MYO18A: variants seen among roughly 807,000 people sequenced by gnomAD.
MYO18A encodes unconventional myosin-XVIIIa.
In MYO18A, 78 loss-of-function variants were observed where a neutral mutation model predicts 235.8. The observed-to-expected ratio is 0.33, with a 90% confidence interval of 0.28 to 0.40. MYO18A has a LOEUF of 0.40. Among genes scored for constraint, MYO18A ranks in the 10% least tolerant of loss-of-function variants. The pLI is 1.00. For missense variants in MYO18A, 2,215 were observed against 2,699.3 expected (o/e 0.82, Z 3.98); for synonymous variants, 977 against 1,077.8 (o/e 0.91, Z 1.83).
rs1352535003 is a variant in MYO18A at position 29,118,266 on chromosome 17, G to A, written c.1894-77C>T. 3 of 1,555,146 alleles carry A rather than the reference G, an allele frequency of 1.9e-6. No homozygotes were observed. Among genetic ancestry groups the A allele is most frequent in the African/African-American group, 2.7e-5 (2 of 73,462 alleles). The stretch of plus-strand genomic sequence containing the variant: ...AGGCTGGGCCCTCAGGGCAAGGCTT[G>A]GGTAGAGCCAGCAGCTGGAGCTGGG... On this transcript the variant is annotated intron_variant, in intron 9 of 41. Transcript: ENST00000527372. This position sits in a 1 kb window ranked among gnomAD's most constrained non-coding sequence, Gnocchi z 4.2.
chr17:29,102,648 G>A (rs1307308644), intron 21 of MYO18A, among the ~76,000 whole-genome samples: 1 of 152,210 alleles, frequency 6.6e-6, no homozygotes, highest in Non-Finnish European at 1.5e-5. Context: ...TGGGGCCAAA[G>A]GGAAAGCCAG....
intron 2 of MYO18A, among the ~76,000 whole-genome samples, chr17:29,139,653 G>A (rs1256067613): frequency 6.6e-6 from 1 of 152,168 alleles, no homozygotes; most frequent in Non-Finnish European, 1.5e-5. Context: ...GGAAGGACTG[G>A]GAGCAGCTAT....
chr17:29,141,017 G>C (rs1215570455), intron 2 of MYO18A, among the ~76,000 whole-genome samples: 1 of 152,242 alleles, frequency 6.6e-6, no homozygotes, highest in Non-Finnish European at 1.5e-5. Flanking sequence ...CAGGAGCAGA[G>C]ACCCACACGG....
At position 29,120,577 on chromosome 17, in the gene MYO18A, C is replaced by T; in HGVS notation, c.1728+39G>A. 6.3e-7 allele frequency: 1 copy of T among 1,595,714 alleles called. No individual in the cohort carries two copies. Among genetic ancestry groups the T allele is most frequent in the Non-Finnish European group, 8.5e-7 (1 of 1,170,468 alleles). ...TGTCTAGGTCATGAAATCATGTGGC[C>T]TGTGTCCTACTACCCCGAGTCCTGG... is the stretch of plus-strand genomic sequence containing the variant. On this transcript the variant is annotated intron_variant, in intron 7 of 41. Transcript: ENST00000527372. This position sits in a 1 kb window ranked among gnomAD's most constrained non-coding sequence, Gnocchi z 4.2.
intron 37 of MYO18A, among the ~76,000 whole-genome samples, chr17:29,087,749 A>G (rs1431963071): frequency 6.6e-6 from 1 of 151,698 alleles, no homozygotes; most frequent in Non-Finnish European, 1.5e-5. Context: ...CAGCCTCTAT[A>G]TCCCTAAAAT....
chr17:29,102,417 T>C (rs1206716927), intron 21 of MYO18A, among the ~76,000 whole-genome samples: 1 of 151,996 alleles, frequency 6.6e-6, no homozygotes, highest in East Asian at 1.9e-4. Context: ...TGACAGCAGA[T>C]AGCCCTAGGC....
chr17:29,127,482 C>T (rs1237689664), intron 2 of MYO18A, among the ~76,000 whole-genome samples: 1 of 152,212 alleles, frequency 6.6e-6, no homozygotes, highest in East Asian at 1.9e-4. Context: ...AAGCCCAGAT[C>T]CCTGACTTGA....
intron 1 of MYO18A, among the ~76,000 whole-genome samples, chr17:29,176,178 C>CT (rs2068522252): frequency 6.6e-6 from 1 of 152,124 alleles, no homozygotes; most frequent in Admixed American, 6.5e-5. Context: ...AATGATTCAA[C>CT]TTTTTTCCAG....
At chr17:29,082,893 A>G (rs2066155381) in intron 40 of MYO18A, among the ~76,000 whole-genome samples, 1 of 152,168 alleles carries the variant, frequency 6.6e-6, no homozygotes, top group African/African-American at 2.4e-5. Flanking sequence ...CTTTGTTACA[A>G]GAGCTGGGCT....
chr17:29,078,221 TGGCCA>T (rs2066032660), intron 41 of MYO18A: 1 of 152,268 alleles, frequency 6.6e-6, no homozygotes, highest in African/African-American at 2.4e-5. Context: ...TTCACCATCT[TGGCCA>T]GGCTGGTCTC....
rs1259788457 is a variant in MYO18A at position 29,166,435 on chromosome 17, A to C, written c.506T>G (p.Val169Gly). The change falls in exon 2 of 42, where the codon GTG becomes GGG. Residue 169 changes from valine to glycine, a missense_variant. By Grantham distance (109) the Val-to-Gly change is moderately radical (BLOSUM62 -3). Coordinates refer to ENST00000527372, the MANE Select transcript of MYO18A (RefSeq NM_078471.4). ...CACCAGCTGTCCCTCTAGAGTCCTC[A>C]CCTCCACCTGTGGCGAGGGGGCGGC... Reference protein sequence around the residue: ...HSAAPSPQVEVRTLEGQLVQH... With the variant: ...HSAAPSPQVEGRTLEGQLVQH... 1 of 1,613,420 alleles carries C rather than the reference A, an allele frequency of 6.2e-7. No individual in the cohort carries two copies. The highest frequency in any genetic ancestry group is 1.3e-5 in the African/African-American group (1 of 74,822).
chr17:29,073,923 T>C lies in MYO18A; in HGVS notation c.*847A>G, dbSNP rs1284976004. On this transcript the variant is annotated 3_prime_UTR_variant, in exon 42 of 42. Coordinates refer to ENST00000527372, the MANE Select transcript of MYO18A (RefSeq NM_078471.4). The stretch of plus-strand genomic sequence containing the variant: ...CCTGGACAGAGCAGGAGGGAGGCAG[T>C]GCTTGGATCAGCCCTGAACTGCTGT... The C allele has an allele frequency of 6.2e-7, 1 of 1,613,930 alleles. No homozygotes were observed. The highest frequency in any genetic ancestry group is 1.1e-5 in the South Asian group (1 of 91,076).
At chr17:29,089,888 C>T in intron 37 of MYO18A, 73 bp downstream of exon 37, 1 of 1,586,952 alleles carries the variant, frequency 6.3e-7, no homozygotes, top group Middle Eastern at 1.7e-4. Flanking sequence ...TCCAGCCCTG[C>T]TGAGCATGCG....
chr17:29,109,218 C>G lies in MYO18A; in HGVS notation c.3331+640G>C, dbSNP rs907266794. On this transcript the variant is annotated intron_variant, in intron 19 of 41. Coordinates refer to ENST00000527372, the MANE Select transcript of MYO18A (RefSeq NM_078471.4). The surrounding 1 kb of genome is among the most constrained non-coding windows in gnomAD (Gnocchi z 4.1). ...ACATGAGACATGACTCTACAGCCAG[C>G]CTGCCTGGTCAAATCCCACTCTGCC... 3.9e-5 allele frequency among the ~76,000 whole-genome samples: 6 copies of G among 152,112 alleles called. No individual in the cohort carries two copies. The highest frequency in any genetic ancestry group is 8.8e-5 in the Non-Finnish European group (6 of 68,018).
At chr17:29,133,877 G>C (rs1017542904) in intron 2 of MYO18A, 1 of 1,288,880 alleles carries the variant, frequency 7.8e-7, no homozygotes, top group Non-Finnish European at 1.0e-6. Context: ...GAGAAGAAAT[G>C]GGGGGCAGGG....
In MYO18A at chr17:29,090,048, G is replaced by A; in HGVS notation, c.5439C>T (p.Asp1813=). The change falls in exon 37 of 42, where the codon GAC becomes GAT. Residue 1813 remains aspartate (D), a synonymous_variant. Coordinates refer to ENST00000527372, the MANE Select transcript of MYO18A (RefSeq NM_078471.4). The stretch of plus-strand genomic sequence containing the variant: ...CTTCCTGCCTGCTCACCAGGGACTT[G>A]TCCACCATGGACTGCTCCAGGAACT... ...QVEFLEQSMV[D]KSLVSRQEAK... The A allele has an allele frequency of 6.2e-7, 1 of 1,613,906 alleles. No homozygotes were observed. Among genetic ancestry groups the A allele is most frequent in the East Asian group, 2.2e-5 (1 of 44,880 alleles).
intron 1 of MYO18A, among the ~76,000 whole-genome samples, chr17:29,172,222 C>A (rs2068421928): frequency 1.3e-5 from 2 of 152,178 alleles, no homozygotes; most frequent in Admixed American, 1.3e-4. Flanking sequence ...GCCTGTAATC[C>A]TAGCACTTTG....
intron 1 of MYO18A, among the ~76,000 whole-genome samples, chr17:29,176,057 C>CA (rs1348090424): frequency 1.2e-4 from 18 of 151,692 alleles, no homozygotes; most frequent in East Asian, 1.9e-4. Flanking sequence ...GACTCCTTCT[C>CA]AAAAAAAACA....
intron 2 of MYO18A, among the ~76,000 whole-genome samples, chr17:29,160,653 GGCTCCAAAGCCCAT>G (rs1461168528): frequency 1.3e-5 from 2 of 152,178 alleles, no homozygotes; most frequent in Non-Finnish European, 1.5e-5. Flanking sequence ...AGGTCTTTCT[GGCTCCAAAGCCCAT>G]GCTCTTTCCA....
Sources: allele counts gnomAD v4.1 joint callset (sites outside exome capture counted in the v4.1 genomes callset), GRCh38; gene constraint gnomAD v4.1.1; non-coding constraint Gnocchi (gnomAD v3.1); transcripts MANE v1.5; gene names NCBI Gene and HGNC (gene_info 2026-07-23, HGNC 2026-07-21).